The following SMYD3 variants were observed in gnomAD, a reference collection of about 807,000 sequenced individuals.
SMYD3 encodes histone-lysine N-methyltransferase SMYD3.
SMYD3 carries 36 observed loss-of-function variants against 57.7 expected under a neutral mutation model. That is an observed-to-expected ratio of 0.62 (90% confidence interval 0.48 to 0.82). SMYD3 has a LOEUF of 0.82. Among genes scored for constraint, SMYD3 ranks in the 40% least tolerant of loss-of-function variants. The pLI is 0.00. For missense variants in SMYD3, 515 were observed against 538.8 expected, an observed-to-expected ratio of 0.96 and a Z score of 0.44; for synonymous variants, 211 against 195.0, an observed-to-expected ratio of 1.08 and a Z score of -0.68.
intron 1 of SMYD3, among the ~76,000 whole-genome samples, chr1:246,372,678 C>T (rs79831721): frequency 0.017 from 2,544 of 152,278 alleles, 67 homozygotes; most frequent in East Asian, 0.085. Context: ...AGAGACTAGC[C>T]TGGCCAACAT....
chr1:246,095,335 C>T (rs1415791764), intron 5 of SMYD3, among the ~76,000 whole-genome samples: 3 of 152,208 alleles, frequency 2.0e-5, no homozygotes, highest in South Asian at 2.1e-4. Flanking sequence ...AATAACTTAT[C>T]GAACTTATAC....
chr1:246,158,488 G>A (rs764207671), intron 5 of SMYD3, among the ~76,000 whole-genome samples: 1 of 152,072 alleles, frequency 6.6e-6, no homozygotes, highest in African/African-American at 2.4e-5. Flanking sequence ...AAATAAATAC[G>A]CAATGATTAA....
chr1:245,950,626 G>T (rs1253990426), intron 5 of SMYD3, among the ~76,000 whole-genome samples: 1 of 152,076 alleles, frequency 6.6e-6, no homozygotes, highest in Non-Finnish European at 1.5e-5. Context: ...ATTCCGAGTC[G>T]GTCGTCATAG....
chr1:245,993,917 C>A (rs535912449), intron 5 of SMYD3, among the ~76,000 whole-genome samples: 1 of 152,110 alleles, frequency 6.6e-6, no homozygotes, highest in South Asian at 2.1e-4. Context: ...TATATCTTAC[C>A]ACCATAAAAA....
intron 1 of SMYD3, among the ~76,000 whole-genome samples, chr1:246,497,067 T>A (rs1278164083): frequency 6.6e-6 from 1 of 152,244 alleles, no homozygotes; most frequent in Non-Finnish European, 1.5e-5. Flanking sequence ...TTATTTTTTC[T>A]ATACTAACAA....
intron 5 of SMYD3, among the ~76,000 whole-genome samples, chr1:246,124,414 T>G (rs189202817): frequency 1.6e-3 from 249 of 152,322 alleles, no homozygotes; most frequent in African/African-American, 5.9e-3. Flanking sequence ...CGAGTTTTTT[T>G]TAAGGTTTTA....
intron 1 of SMYD3, among the ~76,000 whole-genome samples, chr1:246,505,267 A>G (rs544933524): frequency 1.2e-4 from 18 of 148,678 alleles, no homozygotes; most frequent in Admixed American, 9.4e-4. Flanking sequence ...CTTAAAAGCC[A>G]AAAAGGCTAA....
At chr1:246,169,206 CA>C (rs2062277449) in intron 5 of SMYD3, among the ~76,000 whole-genome samples, 1 of 151,786 alleles carries the variant, frequency 6.6e-6, no homozygotes, top group Non-Finnish European at 1.5e-5. Context: ...AGACAGATGC[CA>C]AGGCCCAGGA....
chr1:246,335,264 G>T, intron 3 of SMYD3, 103 bp downstream of exon 3: 1 of 1,023,844 alleles, frequency 9.8e-7, no homozygotes, highest in Non-Finnish European at 1.5e-6. Context: ...TATTGTGGTA[G>T]TCTGAAACTG....
chr1:246,071,409 T>C lies in SMYD3; in HGVS notation c.532-141472A>G, dbSNP rs372654437. On this transcript the variant is annotated intron_variant, in intron 5 of 11. Coordinates refer to ENST00000490107, the MANE Select transcript of SMYD3 (RefSeq NM_001167740.2). ...TTGTTATAAAATGTTTTAAATTATT[T>C]AAAATAAAGTTATTGCATTTATACA... Among the ~76,000 whole-genome samples the C allele has an allele frequency of 6.7e-4, 102 of 152,304 alleles. 2 individuals are homozygous for C. In the South Asian group the frequency reaches 0.021, roughly 31 times the overall value.
At chr1:246,058,498 C>G (rs866818920) in intron 5 of SMYD3, among the ~76,000 whole-genome samples, 1 of 152,172 alleles carries the variant, frequency 6.6e-6, no homozygotes, top group Admixed American at 6.5e-5. Context: ...CGTTATCTTA[C>G]GAAATAATAA....
At chr1:245,764,327 G>C (rs1161575431) in intron 10 of SMYD3, among the ~76,000 whole-genome samples, 178 bp from the exon 11 acceptor site, 2 of 151,940 alleles carry the variant, frequency 1.3e-5, no homozygotes, top group East Asian at 3.9e-4. Flanking sequence ...CACAGGACTG[G>C]TCTCCAGCTC....
intron 10 of SMYD3, among the ~76,000 whole-genome samples, chr1:245,798,400 A>AC (rs1553325426): frequency 1.5e-4 from 4 of 26,632 alleles, no homozygotes; most frequent in East Asian, 7.0e-4. Context: ...GCACACACAC[A>AC]CACACATACA....
chr1:246,058,181 G>A (rs906289108), intron 5 of SMYD3, among the ~76,000 whole-genome samples: 2 of 152,122 alleles, frequency 1.3e-5, no homozygotes, highest in Non-Finnish European at 2.9e-5. Flanking sequence ...GTCCAAACAC[G>A]GAATGTACAA....
chr1:246,176,057 A>C (rs768188566), intron 5 of SMYD3, among the ~76,000 whole-genome samples: 4 of 152,206 alleles, frequency 2.6e-5, no homozygotes, highest in Non-Finnish European at 4.4e-5. Flanking sequence ...CAAGTGTTTT[A>C]CTCTAAGCTA....
chr1:246,231,018 G>A (rs10924579), intron 5 of SMYD3, among the ~76,000 whole-genome samples: 31,552 of 151,988 alleles, frequency 0.21, 3,994 homozygotes, highest in East Asian at 0.58. Context: ...ATTTTCACCT[G>A]AATACTTCCA....
At chr1:245,903,835 AG>A (rs2054361078) in intron 8 of SMYD3, among the ~76,000 whole-genome samples, 1 of 152,146 alleles carries the variant, frequency 6.6e-6, no homozygotes. Flanking sequence ...TGCACACTGC[AG>A]GGGGGCCCTG....
chr1:245,796,850 G>C lies in SMYD3; in HGVS notation c.1077-32701C>G, dbSNP rs1316369330. On this transcript the variant is annotated intron_variant, in intron 10 of 11. Coordinates refer to ENST00000490107, the MANE Select transcript of SMYD3 (RefSeq NM_001167740.2). ...ATACTGCAACCACCTGTTGAAGCTG[G>C]GAAGGCTCAGCATTTTTTTCTCTTT... Among the ~76,000 whole-genome samples the C allele has an allele frequency of 2.0e-5, 3 of 152,168 alleles. No homozygotes were observed. The East Asian group carries it at 5.8e-4, about 29-fold the overall frequency.
chr1:246,372,674 T>TA (rs1241446652), intron 1 of SMYD3, among the ~76,000 whole-genome samples: 1 of 152,122 alleles, frequency 6.6e-6, no homozygotes, highest in Non-Finnish European at 1.5e-5. Flanking sequence ...GGTTAGAGAC[T>TA]AGCCTGGCCA....
Sources: gnomAD v4.1 joint callset for allele counts (sites outside exome capture counted in the v4.1 genomes callset) on GRCh38, gnomAD v4.1.1 for gene constraint, MANE v1.5 for transcripts, NCBI Gene and HGNC (gene_info 2026-07-23, HGNC 2026-07-21) for gene names.